The following GLRA3 variants were observed in gnomAD, a reference collection of about 807,000 sequenced individuals.
GLRA3 encodes glycine receptor alpha 3.
A neutral mutation model predicts 60.4 loss-of-function variants in GLRA3; 44 were observed. The observed-to-expected ratio is 0.73, with a 90% CI of 0.57 to 0.94. The LOEUF is 0.94. GLRA3 is among the 40% of genes least tolerant of loss of function. The pLI, the probability that GLRA3 is intolerant of heterozygous loss-of-function variation, is 0.00. For synonymous variants in GLRA3, 223 were observed against 192.9 expected, an observed-to-expected ratio of 1.16 and a Z score of -1.29; for missense variants, 508 against 564.6, an observed-to-expected ratio of 0.90 and a Z score of 1.02.
chr4:174,731,280 ACC>A (rs1736535802), intron 3 of GLRA3, among the ~76,000 whole-genome samples: 1 of 152,158 alleles, frequency 6.6e-6, no homozygotes. Flanking sequence ...ATACCCAGCA[ACC>A]AATTATATTA....
intron 5 of GLRA3, among the ~76,000 whole-genome samples, chr4:174,688,398 TCAG>T: frequency 7.0e-6 from 1 of 142,960 alleles, no homozygotes; most frequent in Admixed American, 7.1e-5. Context: ...TATATATTCA[TCAG>T]ATTTTTTATT....
intron 1 of GLRA3, among the ~76,000 whole-genome samples, chr4:174,825,369 C>G (rs1740926448): frequency 6.6e-6 from 1 of 151,956 alleles, no homozygotes; most frequent in Non-Finnish European, 1.5e-5. Context: ...TTTACTAAGG[C>G]TTTGAAGTAA....
intron 5 of GLRA3, among the ~76,000 whole-genome samples, chr4:174,703,082 T>C (rs915686312): frequency 6.6e-6 from 1 of 152,152 alleles, no homozygotes; most frequent in African/African-American, 2.4e-5. Flanking sequence ...AATCAACAAA[T>C]TGCCAGGAAC....
chr4:174,825,669 TAAAATCC>T (rs1432636542), intron 1 of GLRA3, among the ~76,000 whole-genome samples: 1 of 152,038 alleles, frequency 6.6e-6, no homozygotes, highest in African/African-American at 2.4e-5. Context: ...ATATGATAAC[TAAAATCC>T]AAAAGCCATA....
chr4:174,699,021 G>A (rs561104377), intron 5 of GLRA3, among the ~76,000 whole-genome samples: 32 of 149,338 alleles, frequency 2.1e-4, no homozygotes, highest in Non-Finnish European at 3.3e-4. Context: ...TTTTGGAGAC[G>A]GGGTCTTGCT....
intron 5 of GLRA3, among the ~76,000 whole-genome samples, chr4:174,699,562 A>C (rs1735213533): frequency 6.6e-6 from 1 of 152,152 alleles, no homozygotes; most frequent in African/African-American, 2.4e-5. Context: ...ACTAATTCCT[A>C]ATATATTGTT....
At chr4:174,665,790 A>G (rs547066923) in intron 7 of GLRA3, among the ~76,000 whole-genome samples, 1 of 152,250 alleles carries the variant, frequency 6.6e-6, no homozygotes, top group East Asian at 1.9e-4. Context: ...ATGCAGCACA[A>G]GGTTCTTTAT....
chr4:174,715,181 ATAAG>A (rs1313710783), intron 5 of GLRA3, among the ~76,000 whole-genome samples: 3 of 152,206 alleles, frequency 2.0e-5, no homozygotes, highest in East Asian at 1.9e-4. Flanking sequence ...CTCCCAATAA[ATAAG>A]TGATAGTTTG....
chr4:174,756,150 A>G (rs2111208360), intron 3 of GLRA3, among the ~76,000 whole-genome samples: 1 of 152,312 alleles, frequency 6.6e-6, no homozygotes, highest in East Asian at 1.9e-4. Context: ...GGATGGCATT[A>G]CTGGTGAATT....
intron 4 of GLRA3, among the ~76,000 whole-genome samples, chr4:174,717,265 G>GGAGA (rs367818622): frequency 3.0e-5 from 4 of 133,376 alleles, no homozygotes; most frequent in South Asian, 2.6e-4. Context: ...AGGGAGGGAG[G>GGAGA]GAGAGAGAGA....
At chr4:174,824,990 C>T (rs2111407362) in intron 1 of GLRA3, among the ~76,000 whole-genome samples, 1 of 152,138 alleles carries the variant, frequency 6.6e-6, no homozygotes. Context: ...CCTCAGTACA[C>T]AGTTGTGTGT....
At chr4:174,742,171 C>G (rs1274180764) in intron 3 of GLRA3, among the ~76,000 whole-genome samples, 1 of 152,048 alleles carries the variant, frequency 6.6e-6, no homozygotes, top group Non-Finnish European at 1.5e-5. Context: ...AGAAAGCTGA[C>G]AAGCTAAAAT....
intron 7 of GLRA3, among the ~76,000 whole-genome samples, chr4:174,663,815 C>T (rs538901649): frequency 3.9e-5 from 6 of 152,180 alleles, no homozygotes; most frequent in Admixed American, 6.5e-5. Flanking sequence ...GAGTCATTAC[C>T]TTCTTTGCTC....
At chr4:174,645,221 G>T (rs886331268) in intron 9 of GLRA3, among the ~76,000 whole-genome samples, 1 of 151,948 alleles carries the variant, frequency 6.6e-6, no homozygotes, top group Admixed American at 6.6e-5. Context: ...AGACCATCTT[G>T]GACAGTATGC....
At chr4:174,735,328 TC>T (rs1419892346) in intron 3 of GLRA3, among the ~76,000 whole-genome samples, 1 of 152,182 alleles carries the variant, frequency 6.6e-6, no homozygotes, top group Non-Finnish European at 1.5e-5. Flanking sequence ...CCATTTTGTG[TC>T]AAACCCACTA....
Position 174,805,397 on chromosome 4 carries a change from G to A in GLRA3, c.72-16454C>T, listed in dbSNP as rs186312541. Among the ~76,000 whole-genome samples, 18 of 152,110 alleles carry A rather than the reference G, an allele frequency of 1.2e-4. No homozygotes were observed. In the East Asian group the frequency reaches 3.3e-3, roughly 28 times the overall value. ...GTAACTTCCATCTTGCACTCTTTTG[G>A]ATCACTGACTCTGGGAAGCTAATCA... is the stretch of plus-strand genomic sequence containing the variant. On this transcript the variant is annotated intron_variant, in intron 1 of 9. Coordinates refer to ENST00000274093, the MANE Select transcript of GLRA3 (RefSeq NM_006529.4).
chr4:174,769,645 A>G (rs912807460), intron 2 of GLRA3, among the ~76,000 whole-genome samples: 2 of 152,034 alleles, frequency 1.3e-5, no homozygotes, highest in Non-Finnish European at 2.9e-5. Flanking sequence ...CAATCATGCT[A>G]GGAATTACTT....
intron 1 of GLRA3, among the ~76,000 whole-genome samples, chr4:174,825,915 A>G (rs781089108): frequency 1.1e-4 from 17 of 152,112 alleles, no homozygotes; most frequent in Non-Finnish European, 2.1e-4. Flanking sequence ...GTACGATAAC[A>G]TTACACTGAT....
intron 1 of GLRA3, among the ~76,000 whole-genome samples, chr4:174,824,357 T>C (rs1005272802): frequency 6.6e-6 from 1 of 152,226 alleles, no homozygotes; most frequent in Non-Finnish European, 1.5e-5. Context: ...CTATGACTAA[T>C]AGTAATTTTG....
Sources: allele counts gnomAD v4.1 joint callset (sites outside exome capture counted in the v4.1 genomes callset), GRCh38; gene constraint gnomAD v4.1.1; transcripts MANE v1.5; gene names NCBI Gene and HGNC (gene_info 2026-07-23, HGNC 2026-07-21).